The following SEM1 variants were observed in gnomAD, a reference collection of about 807,000 sequenced individuals.
SEM1 encodes SEM1 26S proteasome subunit, also known as 26S proteasome complex subunit SEM1.
In SEM1, 3 loss-of-function variants were observed where a neutral mutation model predicts 12.7. The observed-to-expected ratio is 0.24, with a 90% CI of 0.11 to 0.61. SEM1 has a LOEUF of 0.61. Ranked by LOEUF, SEM1 falls within the 20% of genes least tolerant of loss-of-function variation. The pLI is 0.88. For missense variants in SEM1, 59 were observed against 81.3 expected (o/e 0.73, Z 1.06); for synonymous variants, 30 against 27.8 (o/e 1.08, Z -0.25).
At chr7:96,552,238 T>C (rs1318077207) in intron 2 of SEM1, among the ~76,000 whole-genome samples, 1 of 152,044 alleles carries the variant, frequency 6.6e-6, no homozygotes, top group African/African-American at 2.4e-5. Context: ...ATGTGCACAT[T>C]GTGCAGGTTA....
At chr7:96,647,674 A>G (rs1808844020) in intron 2 of SEM1, 1 of 152,224 alleles carries the variant, frequency 6.6e-6, no homozygotes, top group African/African-American at 2.4e-5. Context: ...TCCAGAACTG[A>G]TATTACATCC....
intron 2 of SEM1, among the ~76,000 whole-genome samples, chr7:96,652,638 C>A (rs1401950061): frequency 6.6e-6 from 1 of 151,780 alleles, no homozygotes; most frequent in Non-Finnish European, 1.5e-5. Flanking sequence ...TATTTAAAAC[C>A]CCAAAGAAAT....
At chr7:96,560,937 G>T (rs1332479203) in intron 2 of SEM1, among the ~76,000 whole-genome samples, 1 of 151,954 alleles carries the variant, frequency 6.6e-6, no homozygotes, top group African/African-American at 2.4e-5. Flanking sequence ...AAGCCAGTAC[G>T]TGCTGTTTAA....
chr7:96,601,062 C>G (rs1584797550), intron 2 of SEM1, among the ~76,000 whole-genome samples: 2 of 152,270 alleles, frequency 1.3e-5, no homozygotes, highest in Middle Eastern at 3.4e-3. Flanking sequence ...AACCAGAGAT[C>G]CCCAGTAGGT....
intron 2 of SEM1, among the ~76,000 whole-genome samples, chr7:96,661,484 G>A (rs1477315472): frequency 6.6e-6 from 1 of 152,094 alleles, no homozygotes; most frequent in Non-Finnish European, 1.5e-5. Context: ...CAATAATTGA[G>A]AGAAAGAATA....
At chr7:96,533,619 G>A (rs929380600) in intron 2 of SEM1, among the ~76,000 whole-genome samples, 3 of 151,946 alleles carry the variant, frequency 2.0e-5, no homozygotes, top group East Asian at 1.9e-4. Context: ...TTTGGATATC[G>A]CTGACAAAGC....
At chr7:96,660,295 T>C (rs1365160865) in intron 2 of SEM1, among the ~76,000 whole-genome samples, 2 of 152,110 alleles carry the variant, frequency 1.3e-5, no homozygotes, top group African/African-American at 4.8e-5. Context: ...CTTCAAATGA[T>C]ATAAATCAAA....
At chr7:96,487,046 C>T (rs577460815) in intron 1 of SEM1, among the ~76,000 whole-genome samples, 219 of 152,206 alleles carry the variant, frequency 1.4e-3, no homozygotes, top group Non-Finnish European at 2.7e-3. Flanking sequence ...TTTGAGGAAA[C>T]GCTGGAGCTG....
intron 2 of SEM1, among the ~76,000 whole-genome samples, chr7:96,652,492 G>A (rs986124345): frequency 1.3e-5 from 2 of 151,718 alleles, no homozygotes; most frequent in Admixed American, 6.6e-5. Flanking sequence ...AAAGAATAGA[G>A]AAAATTTATT....
At chr7:96,528,314 C>T (rs1772743714) in intron 2 of SEM1, among the ~76,000 whole-genome samples, 2 of 152,152 alleles carry the variant, frequency 1.3e-5, no homozygotes, top group African/African-American at 2.4e-5. Flanking sequence ...CTACATCAGC[C>T]TCCCAAGTAT....
downstream of SEM1, among the ~76,000 whole-genome samples, chr7:96,686,779 T>C (rs1219260490): frequency 6.6e-6 from 1 of 152,104 alleles, no homozygotes; most frequent in Non-Finnish European, 1.5e-5. Flanking sequence ...AAAGCCAAAA[T>C]TGACAAATGG....
chr7:96,509,519 T>G (rs1367625301), intron 2 of SEM1, among the ~76,000 whole-genome samples: 2 of 152,162 alleles, frequency 1.3e-5, no homozygotes, highest in Admixed American at 6.6e-5. Context: ...CTACAGCTTG[T>G]GCTTCTCCAA....
At chr7:96,618,003 T>A (rs1807771400), downstream of SEM1, among the ~76,000 whole-genome samples, 1 of 152,178 alleles carries the variant, frequency 6.6e-6, no homozygotes, top group Admixed American at 6.5e-5. Flanking sequence ...TTGTTGTATC[T>A]TTGTCTGGTT....
At chr7:96,496,175 C>T (rs945018404) in intron 1 of SEM1, 11 of 661,628 alleles carry the variant, frequency 1.7e-5, no homozygotes, top group African/African-American at 1.8e-5. Flanking sequence ...CATTTTAACT[C>T]GTTAGATAGT....
intron 2 of SEM1, among the ~76,000 whole-genome samples, chr7:96,653,237 CAAA>C (rs1329401841): frequency 6.6e-6 from 1 of 151,476 alleles, no homozygotes; most frequent in Non-Finnish European, 1.5e-5. Context: ...CAGAACAAAA[CAAA>C]AAAAGGCAGA....
At chr7:96,677,149 C>T (rs1789471353) in intron 2 of SEM1, among the ~76,000 whole-genome samples, 2 of 152,100 alleles carry the variant, frequency 1.3e-5, no homozygotes, top group South Asian at 4.1e-4. Context: ...TTTAGCAGAT[C>T]AAAATGAAGA....
intron 2 of SEM1, chr7:96,637,452 A>C (rs1311936996): frequency 6.6e-6 from 1 of 152,062 alleles, no homozygotes; most frequent in Non-Finnish European, 1.5e-5. Flanking sequence ...ATGTACTTAC[A>C]ACTCTCATTA....
intron 2 of SEM1, among the ~76,000 whole-genome samples, chr7:96,572,701 A>G (rs1458608551): frequency 2.0e-5 from 3 of 152,180 alleles, no homozygotes; most frequent in Non-Finnish European, 4.4e-5. Flanking sequence ...TTTACTTCCA[A>G]TTATGTGGTC....
downstream of SEM1, among the ~76,000 whole-genome samples, chr7:96,618,126 G>T (rs1807775942): frequency 6.6e-6 from 1 of 152,100 alleles, no homozygotes; most frequent in Admixed American, 6.6e-5. Context: ...ATGTTTGATA[G>T]AATTCAGCTG....
Sources: allele counts gnomAD v4.1 joint callset (sites outside exome capture counted in the v4.1 genomes callset), GRCh38; gene constraint gnomAD v4.1.1; transcripts MANE v1.5; gene names NCBI Gene and HGNC (gene_info 2026-07-23, HGNC 2026-07-21).